The following CUX1 variants were observed in gnomAD, a reference collection of about 807,000 sequenced individuals.
CUX1 encodes cut like homeobox 1, also known as protein CASP.
A neutral mutation model predicts 158.8 loss-of-function variants in CUX1; 31 were observed. The observed-to-expected ratio is 0.20, with a 90% CI of 0.15 to 0.26. The LOEUF is 0.26. Among genes scored for constraint, CUX1 ranks in the 10% least tolerant of loss-of-function variants. The probability of loss-of-function intolerance (pLI) is 1.00; values close to 1 mark genes in which losing one functional copy is unlikely to be tolerated. For synonymous variants in CUX1, 879 were observed against 862.1 expected (o/e 1.02, Z -0.34); for missense variants, 1,589 against 2,014.6 (o/e 0.79, Z 4.04).
chr7:102,048,599 C>T (rs572282061), intron 3 of CUX1, among the ~76,000 whole-genome samples: 25 of 152,214 alleles, frequency 1.6e-4, no homozygotes, highest in East Asian at 3.9e-4. Context: ...GAGGCCAAGG[C>T]GGGTGGATTA....
chr7:102,039,045 A>T (rs1275331803), intron 3 of CUX1, among the ~76,000 whole-genome samples: 3 of 152,252 alleles, frequency 2.0e-5, no homozygotes, highest in Non-Finnish European at 4.4e-5. Context: ...CCGGCCATCA[A>T]CAGGAAAAAG....
At chr7:102,103,361 G>T (rs1297673499) in intron 5 of CUX1, among the ~76,000 whole-genome samples, 1 of 152,130 alleles carries the variant, frequency 6.6e-6, no homozygotes, top group Non-Finnish European at 1.5e-5. Flanking sequence ...GGCCAGGCCT[G>T]CTTGCTTGCT....
intron 4 of CUX1, among the ~76,000 whole-genome samples, chr7:102,073,670 C>T (rs1406845316): frequency 1.3e-5 from 2 of 152,172 alleles, no homozygotes; most frequent in African/African-American, 4.8e-5. Flanking sequence ...TTTACCTGAG[C>T]CAACCTTGTC....
chr7:101,906,623 G>C (rs1356230952), intron 1 of CUX1, among the ~76,000 whole-genome samples: 1 of 152,106 alleles, frequency 6.6e-6, no homozygotes, highest in Non-Finnish European at 1.5e-5. Flanking sequence ...CTGGAGGACT[G>C]TGTCCTGGTC....
intron 1 of CUX1, among the ~76,000 whole-genome samples, chr7:101,863,991 A>AC (rs1220840046): frequency 6.6e-6 from 1 of 152,130 alleles, no homozygotes; most frequent in Non-Finnish European, 1.5e-5. Context: ...CTGTGGTGAC[A>AC]CTGTGTGAAC....
At chr7:102,140,652 G>C (rs1168387312) in intron 8 of CUX1, among the ~76,000 whole-genome samples, 1 of 149,004 alleles carries the variant, frequency 6.7e-6, no homozygotes, top group African/African-American at 2.5e-5. Context: ...TTGAGGTCAG[G>C]AGTTCAAGAC....
chr7:102,019,955 C>T (rs1819151502), intron 2 of CUX1, among the ~76,000 whole-genome samples: 2 of 152,086 alleles, frequency 1.3e-5, no homozygotes, highest in Admixed American at 1.3e-4. Flanking sequence ...TCCTTTAAAC[C>T]AGATTTCTTT....
intron 1 of CUX1, among the ~76,000 whole-genome samples, chr7:101,851,428 C>A (rs757570989): frequency 1.3e-5 from 2 of 152,064 alleles, no homozygotes; most frequent in South Asian, 2.1e-4. Flanking sequence ...TCTCCTGACT[C>A]GTGTACGCCA....
intron 2 of CUX1, among the ~76,000 whole-genome samples, chr7:101,992,120 G>A (rs933349657): frequency 1.3e-5 from 2 of 152,202 alleles, no homozygotes; most frequent in African/African-American, 4.8e-5. Context: ...AATCAGGTAA[G>A]TGTGGCTACA....
chr7:102,046,569 ATTTTTTTT>A (rs55753644), intron 3 of CUX1, among the ~76,000 whole-genome samples: 2 of 55,478 alleles, frequency 3.6e-5, no homozygotes, highest in Non-Finnish European at 3.2e-5. Context: ...TTTGGTTTGG[ATTTTTTTT>A]TTTTTTTTTT....
intron 2 of CUX1, among the ~76,000 whole-genome samples, chr7:101,952,123 C>T (rs1331460918): frequency 6.6e-6 from 1 of 152,166 alleles, no homozygotes; most frequent in African/African-American, 2.4e-5. Flanking sequence ...CGTAGTGGCT[C>T]ACACCTATAA....
intron 8 of CUX1, among the ~76,000 whole-genome samples, chr7:102,137,128 G>T (rs1833987706): frequency 6.6e-6 from 1 of 152,146 alleles, no homozygotes; most frequent in African/African-American, 2.4e-5. Context: ...GGAGCATTCT[G>T]TTATAGGTCT....
intron 21 of CUX1, among the ~76,000 whole-genome samples, chr7:102,229,703 T>A (rs1349994372): frequency 7.0e-6 from 1 of 142,054 alleles, no homozygotes; most frequent in Non-Finnish European, 1.5e-5. Context: ...CTATAATCAC[T>A]GCCTCCTGGG....
chr7:102,020,274 G>T (rs1459785699), intron 2 of CUX1, among the ~76,000 whole-genome samples: 3 of 152,192 alleles, frequency 2.0e-5, no homozygotes, highest in African/African-American at 7.2e-5. Flanking sequence ...AGTAACCAAA[G>T]GAACGATGCC....
At chr7:102,023,076 G>C (rs1255550139) in intron 2 of CUX1, among the ~76,000 whole-genome samples, 1 of 152,098 alleles carries the variant, frequency 6.6e-6, no homozygotes, top group Non-Finnish European at 1.5e-5. Context: ...TTAGCAGGGC[G>C]GGGTGGCTCG....
intron 3 of CUX1, among the ~76,000 whole-genome samples, chr7:102,048,504 A>G (rs935639327): frequency 5.9e-5 from 9 of 152,164 alleles, no homozygotes; most frequent in Non-Finnish European, 8.8e-5. Context: ...ACACACACGT[A>G]AGGGCACATG....
chr7:102,220,693 A>T (rs1797717470), intron 20 of CUX1, among the ~76,000 whole-genome samples: 1 of 152,120 alleles, frequency 6.6e-6, no homozygotes, highest in Admixed American at 6.5e-5. Flanking sequence ...GCATCCTTGT[A>T]TCTTGCACCA....
chr7:102,135,084 TAG>T lies in CUX1; in HGVS notation c.674+19812_674+19813del, dbSNP rs763472197. Among the ~76,000 whole-genome samples the T allele has an allele frequency of 1.3e-3, 200 of 152,262 alleles. 1 individual carries two copies. Among genetic ancestry groups the T allele is most frequent in the South Asian group, 2.7e-3 (13 of 4,824 alleles). On this transcript the variant is annotated intron_variant, in intron 8 of 23. Transcript: ENST00000292535. ...TTTCACTGTCCAAAAGAATCGTGTA[TAG>T]TTGACCCTTGAACAACACAGGGGTT...
At chr7:102,010,556 G>T (rs1817880364) in intron 2 of CUX1, among the ~76,000 whole-genome samples, 1 of 152,174 alleles carries the variant, frequency 6.6e-6, no homozygotes, top group African/African-American at 2.4e-5. Context: ...GTACATACCT[G>T]TAGCTTCCGG....
Sources: allele counts gnomAD v4.1 joint callset (sites outside exome capture counted in the v4.1 genomes callset), GRCh38; gene constraint gnomAD v4.1.1; transcripts MANE v1.5; gene names NCBI Gene and HGNC (gene_info 2026-07-23, HGNC 2026-07-21).